The following GRID1 variants were observed in gnomAD, a reference collection of about 807,000 sequenced individuals.
The protein encoded by GRID1 is glutamate receptor ionotropic, delta-1.
Under a neutral mutation model 98.0 loss-of-function variants are expected in GRID1, and 28 were observed. That is an observed-to-expected ratio of 0.29 (90% CI 0.21 to 0.39). The LOEUF (loss-of-function observed/expected upper bound fraction) is 0.39, where lower values mean the gene tolerates loss of function less well. Ranked by LOEUF, GRID1 falls within the 10% of genes least tolerant of loss-of-function variation. GRID1 has a pLI of 1.00. For synonymous variants in GRID1, 553 were observed against 538.5 expected, an observed-to-expected ratio of 1.03 and a Z score of -0.37; for missense variants, 1,111 against 1,340.5, an observed-to-expected ratio of 0.83 and a Z score of 2.67.
intron 4 of GRID1, among the ~76,000 whole-genome samples, chr10:85,968,839 T>C (rs1179235236): frequency 1.3e-5 from 2 of 152,206 alleles, no homozygotes; most frequent in East Asian, 3.8e-4. Flanking sequence ...GGTGCTAATC[T>C]ACTTTATCAG....
intron 2 of GRID1, among the ~76,000 whole-genome samples, chr10:86,346,845 A>G (rs1417633742): frequency 6.6e-6 from 1 of 152,170 alleles, no homozygotes; most frequent in Non-Finnish European, 1.5e-5. Flanking sequence ...TGGGAGGAAT[A>G]AAGCAGAGAT....
chr10:85,679,830 G>A (rs1841186927), intron 12 of GRID1, among the ~76,000 whole-genome samples: 1 of 152,188 alleles, frequency 6.6e-6, no homozygotes, highest in African/African-American at 2.4e-5. Flanking sequence ...AGTCAGTGGG[G>A]GGATATTAAC....
chr10:85,727,558 C>T (rs774158402), intron 10 of GRID1, among the ~76,000 whole-genome samples: 4 of 152,200 alleles, frequency 2.6e-5, no homozygotes, highest in Admixed American at 6.5e-5. Flanking sequence ...TCACCCTAAA[C>T]GTAGGGTAGG....
At chr10:86,001,465 C>T (rs1326561651) in intron 4 of GRID1, among the ~76,000 whole-genome samples, 2 of 152,208 alleles carry the variant, frequency 1.3e-5, no homozygotes, top group Non-Finnish European at 2.9e-5. Flanking sequence ...AACTTCATGT[C>T]CAAATTCCTC....
chr10:86,044,208 T>C (rs113933662), intron 4 of GRID1, among the ~76,000 whole-genome samples: 5 of 152,312 alleles, frequency 3.3e-5, no homozygotes, highest in African/African-American at 1.2e-4. Flanking sequence ...GCCATATAAA[T>C]GTTTGCTGAA....
chr10:85,607,907 T>G (rs923301071), intron 15 of GRID1, among the ~76,000 whole-genome samples: 31 of 150,846 alleles, frequency 2.1e-4, no homozygotes, highest in African/African-American at 7.3e-4. Context: ...AGCCTTGAAC[T>G]CCTGGGCTCA....
chr10:86,165,517 T>C (rs1257470172), intron 3 of GRID1, among the ~76,000 whole-genome samples: 1 of 152,186 alleles, frequency 6.6e-6, no homozygotes, highest in Admixed American at 6.5e-5. Context: ...GAGCCAGGGC[T>C]GAGGGCCCAC....
rs757761024 is a variant in GRID1, at chr10:85,994,268, C to T, written c.727-78029G>A. Among the ~76,000 whole-genome samples the T allele has an allele frequency of 2.6e-5, 4 of 152,218 alleles. No individual in the cohort carries two copies. The South Asian group carries it at 8.3e-4, about 32-fold the overall frequency. ...TGTGCAGTGACCCACAGCATGGCAG[C>T]CTGACCTGCCGGGTCTGCTGTGAGG... is the stretch of plus-strand genomic sequence containing the variant. On this transcript the variant is annotated intron_variant, in intron 4 of 15. Coordinates refer to ENST00000327946, the MANE Select transcript of GRID1 (RefSeq NM_017551.3).
At chr10:86,056,394 C>T (rs932729241) in intron 4 of GRID1, among the ~76,000 whole-genome samples, 7 of 152,228 alleles carry the variant, frequency 4.6e-5, no homozygotes, top group African/African-American at 1.7e-4. Flanking sequence ...AGCTGATCTG[C>T]TTTTCCAGGT....
chr10:85,942,595 C>A (rs1043904827), intron 4 of GRID1, among the ~76,000 whole-genome samples: 6 of 152,204 alleles, frequency 3.9e-5, no homozygotes, highest in Non-Finnish European at 8.8e-5. Flanking sequence ...CAGTGAGCCT[C>A]GGTGTTCGTG....
chr10:86,125,149 C>T (rs1243454265), intron 4 of GRID1, among the ~76,000 whole-genome samples: 1 of 152,242 alleles, frequency 6.6e-6, no homozygotes, highest in Non-Finnish European at 1.5e-5. Flanking sequence ...TGGAGGAAGA[C>T]AATCTGGCAG....
intron 4 of GRID1, among the ~76,000 whole-genome samples, chr10:86,109,219 C>G (rs938346951): frequency 1.6e-4 from 24 of 152,222 alleles, no homozygotes; most frequent in African/African-American, 5.5e-4. Context: ...TCCCTTAACT[C>G]CAGCGAGGGC....
At chr10:85,674,114 C>A (rs1841117890) in intron 12 of GRID1, among the ~76,000 whole-genome samples, 1 of 152,176 alleles carries the variant, frequency 6.6e-6, no homozygotes, top group South Asian at 2.1e-4. Flanking sequence ...AGTTCAGATG[C>A]AATGTCCTTT....
intron 12 of GRID1, among the ~76,000 whole-genome samples, chr10:85,656,122 C>T (rs75838280): frequency 0.033 from 4,958 of 152,278 alleles, 126 homozygotes; most frequent in Middle Eastern, 0.048. Flanking sequence ...CTCCAGTTTT[C>T]ATCCCTCTGC....
At chr10:86,026,823 C>A (rs572853234) in intron 4 of GRID1, among the ~76,000 whole-genome samples, 2 of 152,152 alleles carry the variant, frequency 1.3e-5, no homozygotes, top group Non-Finnish European at 2.9e-5. Flanking sequence ...CATGTGGAGA[C>A]GTGTGGGGTG....
chr10:86,086,662 G>C (rs1233656571), intron 4 of GRID1, among the ~76,000 whole-genome samples: 1 of 152,172 alleles, frequency 6.6e-6, no homozygotes, highest in Non-Finnish European at 1.5e-5. Context: ...ATGTGCAGGA[G>C]TGTGCACAAG....
At chr10:86,132,483 T>G (rs1312002967) in intron 4 of GRID1, among the ~76,000 whole-genome samples, 1 of 152,234 alleles carries the variant, frequency 6.6e-6, no homozygotes, top group Non-Finnish European at 1.5e-5. Flanking sequence ...TTAAAATCTG[T>G]AAACAGTGGG....
At chr10:85,737,645 G>GATAT (rs66947723) in intron 8 of GRID1, among the ~76,000 whole-genome samples, 3,419 of 95,504 alleles carry the variant, frequency 0.036, 111 homozygotes, top group Middle Eastern at 0.061. Context: ...AGTAAAGCCA[G>GATAT]ATATATATAT....
chr10:86,280,874 C>T (rs1847347981), intron 2 of GRID1, among the ~76,000 whole-genome samples: 1 of 152,218 alleles, frequency 6.6e-6, no homozygotes, highest in African/African-American at 2.4e-5. Context: ...GCTCATTCTC[C>T]AGCCTCGATT....
Sources: gnomAD v4.1 joint callset for allele counts (sites outside exome capture counted in the v4.1 genomes callset) on GRCh38, gnomAD v4.1.1 for gene constraint, MANE v1.5 for transcripts, NCBI Gene and HGNC (gene_info 2026-07-23, HGNC 2026-07-21) for gene names.